The following WWOX variants were observed in gnomAD, a reference collection of about 807,000 sequenced individuals.
WWOX encodes WW domain-containing oxidoreductase.
In WWOX, 69 loss-of-function variants were observed where a neutral mutation model predicts 46.2. The ratio of observed to expected loss-of-function variants is 1.49; its 90% CI spans 1.23 to 1.82. The LOEUF (loss-of-function observed/expected upper bound fraction) is 1.82. WWOX is among the 40% of genes most tolerant of loss of function. WWOX has a pLI of 0.00. For missense variants in WWOX, 919 were observed against 542.6 expected, an observed-to-expected ratio of 1.69 and a Z score of -6.89; for synonymous variants, 359 against 202.6, an observed-to-expected ratio of 1.77 and a Z score of -6.56.
At chr16:79,097,983 A>T (rs930025346) in intron 8 of WWOX, among the ~76,000 whole-genome samples, 7 of 152,186 alleles carry the variant, frequency 4.6e-5, no homozygotes, top group Admixed American at 2.0e-4. Context: ...CAAGCCTTTA[A>T]AACCATATCC....
At chr16:78,628,529 T>G (rs1339296982) in intron 8 of WWOX, among the ~76,000 whole-genome samples, 1 of 152,126 alleles carries the variant, frequency 6.6e-6, no homozygotes, top group African/African-American at 2.4e-5. Context: ...GGATAAGAAC[T>G]ATATTTTCTT....
At chr16:78,694,048 A>G (rs1207579560) in intron 8 of WWOX, among the ~76,000 whole-genome samples, 2 of 152,074 alleles carry the variant, frequency 1.3e-5, no homozygotes, top group Admixed American at 1.3e-4. Context: ...CCTGGCCAAC[A>G]TGGTGAAACC....
chr16:78,115,398 G>T (rs143607934), intron 4 of WWOX, among the ~76,000 whole-genome samples: 1 of 152,152 alleles, frequency 6.6e-6, no homozygotes, highest in South Asian at 2.1e-4. Context: ...GGCTATTTTG[G>T]TATTCAGGGA....
chr16:79,095,722 C>T (rs1012620071), intron 8 of WWOX, among the ~76,000 whole-genome samples: 6 of 152,028 alleles, frequency 3.9e-5, no homozygotes, highest in Admixed American at 2.6e-4. Flanking sequence ...TTCTTCTCAA[C>T]GGAGTTTACA....
At chr16:78,963,813 C>G (rs1408051542) in intron 8 of WWOX, among the ~76,000 whole-genome samples, 2 of 152,174 alleles carry the variant, frequency 1.3e-5, no homozygotes, top group Non-Finnish European at 2.9e-5. Flanking sequence ...CCACCCAAAT[C>G]TTAACTTGAA....
At chr16:78,360,282 T>G (rs549975621) in intron 5 of WWOX, among the ~76,000 whole-genome samples, 1 of 152,236 alleles carries the variant, frequency 6.6e-6, no homozygotes, top group Non-Finnish European at 1.5e-5. Flanking sequence ...AATTTTAGAC[T>G]CACATAGAAG....
At chr16:78,873,909 C>G (rs1330485266) in intron 8 of WWOX, among the ~76,000 whole-genome samples, 3 of 152,050 alleles carry the variant, frequency 2.0e-5, no homozygotes, top group Admixed American at 2.0e-4. Flanking sequence ...CCTAGTGTCT[C>G]TGAAGACTTC....
At position 78,798,165 on chromosome 16, in the gene WWOX, T is replaced by C. The variant is rs114779857; in HGVS notation, c.1056+365413T>C. Among the ~76,000 whole-genome samples, 224 of 152,258 alleles carry C rather than the reference T, an allele frequency of 1.5e-3. 1 individual carries two copies. Among genetic ancestry groups the C allele is most frequent in the African/African-American group, 5.2e-3 (216 of 41,558 alleles). ...TTGGACCAGAGCGCAGAGGTCATGA[T>C]ACCAAAGCCACGGCACCTTTGCCAC... On this transcript the variant is annotated intron_variant, in intron 8 of 8. Transcript: ENST00000566780.
chr16:78,729,081 G>A (rs917649740), intron 8 of WWOX, among the ~76,000 whole-genome samples: 2 of 152,106 alleles, frequency 1.3e-5, no homozygotes, highest in African/African-American at 4.8e-5. Context: ...AGTGGCTCAT[G>A]CCTGCAATCC....
At chr16:78,872,260 T>G (rs2044144915) in intron 8 of WWOX, among the ~76,000 whole-genome samples, 1 of 152,216 alleles carries the variant, frequency 6.6e-6, no homozygotes, top group Non-Finnish European at 1.5e-5. Flanking sequence ...TCAGAAAAGT[T>G]TACTTAATTT....
intron 8 of WWOX, among the ~76,000 whole-genome samples, chr16:78,549,028 G>A (rs983125841): frequency 3.3e-5 from 5 of 152,130 alleles, no homozygotes; most frequent in East Asian, 3.9e-4. Flanking sequence ...TACTTTTATC[G>A]GTGCCTTGAT....
chr16:78,795,491 CCT>C (rs72218505), intron 8 of WWOX, among the ~76,000 whole-genome samples: 15,996 of 152,078 alleles, frequency 0.11, 895 homozygotes, highest in Non-Finnish European at 0.12. Context: ...CTCACAAGAT[CCT>C]CTACATCAAA....
At chr16:78,231,184 T>C (rs2037250787) in intron 5 of WWOX, among the ~76,000 whole-genome samples, 1 of 152,232 alleles carries the variant, frequency 6.6e-6, no homozygotes. Context: ...GGAGAGGGAT[T>C]TGCTCTTGCA....
At chr16:78,586,350 C>A (rs1174577622) in intron 8 of WWOX, among the ~76,000 whole-genome samples, 1 of 152,052 alleles carries the variant, frequency 6.6e-6, no homozygotes, top group Non-Finnish European at 1.5e-5. Context: ...CTCTAGGTAA[C>A]CTGAGGCTAG....
At chr16:78,634,296 A>C (rs2046511270) in intron 8 of WWOX, among the ~76,000 whole-genome samples, 1 of 152,192 alleles carries the variant, frequency 6.6e-6, no homozygotes, top group African/African-American at 2.4e-5. Context: ...GAAATGTCCA[A>C]GTGTGGAAAT....
At chr16:78,621,592 CTTTTTTTTTTTTTT>C (rs34182797) in intron 8 of WWOX, among the ~76,000 whole-genome samples, 3 of 31,512 alleles carry the variant, frequency 9.5e-5, no homozygotes, top group African/African-American at 2.6e-4. Flanking sequence ...TTGTTCTAAT[CTTTTTTTTTTTTTT>C]TTTTTTTTTT....
At chr16:78,632,864 G>C (rs910334273) in intron 8 of WWOX, among the ~76,000 whole-genome samples, 2 of 151,964 alleles carry the variant, frequency 1.3e-5, no homozygotes, top group African/African-American at 2.4e-5. Flanking sequence ...GGCCTACTTG[G>C]CCAAATTCTT....
At chr16:78,668,961 T>A (rs970735462) in intron 8 of WWOX, among the ~76,000 whole-genome samples, 5 of 152,112 alleles carry the variant, frequency 3.3e-5, no homozygotes, top group African/African-American at 1.2e-4. Flanking sequence ...TAAAGGCAAT[T>A]TGGTACTTAA....
Position 78,659,449 on chromosome 16 carries a change from T to A in WWOX, c.1056+226697T>A, listed in dbSNP as rs142040855. ...CCGCCAGACTTCCTGAACCAGAAAC[T>A]CTGGGAGTAGGGCTCAGCAATCTAG... On this transcript the variant is annotated intron_variant, in intron 8 of 8. Transcript: ENST00000566780. Among the ~76,000 whole-genome samples the A allele has an allele frequency of 3.2e-3, 480 of 152,160 alleles. 6 individuals carry two copies. The highest frequency in any genetic ancestry group is 0.011 in the African/African-American group (465 of 41,514).
Sources: gnomAD v4.1 joint callset for allele counts (sites outside exome capture counted in the v4.1 genomes callset) on GRCh38, gnomAD v4.1.1 for gene constraint, MANE v1.5 for transcripts, NCBI Gene and HGNC (gene_info 2026-07-23, HGNC 2026-07-21) for gene names.